Variants in DAB1 observed in about 807,000 individuals in gnomAD.
The protein encoded by DAB1 is disabled homolog 1.
Under a neutral mutation model 64.6 loss-of-function variants are expected in DAB1, and 15 were observed. That is an observed-to-expected ratio of 0.23 (90% CI 0.16 to 0.36). The LOEUF is 0.36. DAB1 is among the 10% of genes least tolerant of loss of function. The pLI is 1.00. For synonymous variants in DAB1, 235 were observed against 251.9 expected (o/e 0.93, Z 0.64); for missense variants, 596 against 706.7 (o/e 0.84, Z 1.78).
At chr1:58,335,832 T>C (rs1049870593) in intron 4 of DAB1, among the ~76,000 whole-genome samples, 2 of 152,108 alleles carry the variant, frequency 1.3e-5, no homozygotes, top group Non-Finnish European at 2.9e-5. Context: ...ATTTAGTAGA[T>C]ACGATCCAGT....
At chr1:58,546,461 T>TC (rs910298145) in intron 1 of DAB1, among the ~76,000 whole-genome samples, 17 of 151,366 alleles carry the variant, frequency 1.1e-4, no homozygotes, top group African/African-American at 4.1e-4. Flanking sequence ...AGAACCGGGC[T>TC]CCCCCAGGAC....
chr1:58,462,113 C>CTTTTT (rs1168740907), intron 3 of DAB1, among the ~76,000 whole-genome samples: 16 of 54,252 alleles, frequency 2.9e-4, no homozygotes, highest in South Asian at 9.1e-4. Flanking sequence ...GAGAAGGTTT[C>CTTTTT]TTTTTTTTTT....
chr1:57,797,720 C>T (rs1238786706), intron 6 of DAB1, among the ~76,000 whole-genome samples: 1 of 152,152 alleles, frequency 6.6e-6, no homozygotes, highest in African/African-American at 2.4e-5. Flanking sequence ...AGTCAATAAC[C>T]TACAATAACT....
At chr1:58,105,234 T>C (rs1451154529) in intron 5 of DAB1, among the ~76,000 whole-genome samples, 1 of 152,242 alleles carries the variant, frequency 6.6e-6, no homozygotes, top group African/African-American at 2.4e-5. Context: ...CATTTCTAAA[T>C]GCCTTCTGGG....
intron 1 of DAB1, chr1:58,536,871 C>G: frequency 1.7e-6 from 1 of 587,552 alleles, no homozygotes; most frequent in Non-Finnish European, 3.0e-6. Context: ...CTGAATACAT[C>G]GCTTTTCCAA....
At chr1:57,935,953 T>C (rs1345405847) in intron 5 of DAB1, among the ~76,000 whole-genome samples, 1 of 152,236 alleles carries the variant, frequency 6.6e-6, no homozygotes, top group Non-Finnish European at 1.5e-5. Context: ...AAGGATGGGC[T>C]CAATTGTCAG....
chr1:57,557,008 G>A (rs1048422639), intron 7 of DAB1, among the ~76,000 whole-genome samples: 25 of 152,012 alleles, frequency 1.6e-4, no homozygotes, highest in Non-Finnish European at 7.4e-5. Context: ...TGTTGAATAG[G>A]GTGCCCTTTC....
At chr1:58,128,565 C>A (rs1192981251) in intron 5 of DAB1, among the ~76,000 whole-genome samples, 1 of 131,984 alleles carries the variant, frequency 7.6e-6, no homozygotes, top group East Asian at 2.8e-4. Context: ...CCAGTTTTTG[C>A]CCATTCAGTA....
At chr1:57,097,916 C>T (rs892527024) in intron 4 of DAB1, among the ~76,000 whole-genome samples, 6 of 151,864 alleles carry the variant, frequency 4.0e-5, no homozygotes, top group Admixed American at 3.9e-4. Context: ...TAGCTGGGAC[C>T]ACAGGTGTCC....
At chr1:57,075,448 C>T (rs1001223444) in intron 4 of DAB1, among the ~76,000 whole-genome samples, 3 of 152,134 alleles carry the variant, frequency 2.0e-5, no homozygotes, top group Admixed American at 6.5e-5. Context: ...TTGCTCTGAA[C>T]GTGTCTCATT....
At chr1:57,752,342 G>T (rs908596532) in intron 6 of DAB1, among the ~76,000 whole-genome samples, 1 of 152,174 alleles carries the variant, frequency 6.6e-6, no homozygotes, top group African/African-American at 2.4e-5. Context: ...TATAAGCCGG[G>T]TTTTGATGTT....
intron 1 of DAB1, chr1:57,873,834 AATACT>A (rs1643996165): frequency 6.6e-6 from 1 of 152,160 alleles, no homozygotes; most frequent in African/African-American, 2.4e-5. Context: ...ATTGTATATA[AATACT>A]GTATATAATA....
At position 57,631,205 on chromosome 1, in the gene DAB1, C is replaced by T. The variant is rs145003452; in HGVS notation, n.625+18387G>A. Among the ~76,000 whole-genome samples the T allele has an allele frequency of 7.6e-3, 1,161 of 152,146 alleles. 18 individuals carry two copies. Among genetic ancestry groups the T allele is most frequent in the African/African-American group, 0.027 (1,116 of 41,522 alleles). ...GATGGTCATGGAAGGAAGGGTTGTT[C>T]AAACAAAAACTCAAAATTATCAAAT... On this transcript the variant is annotated intron_variant and non_coding_transcript_variant, in intron 7 of 20. Transcript: ENST00000485760.
intron 4 of DAB1, among the ~76,000 whole-genome samples, chr1:57,097,918 C>T (rs1654319499): frequency 6.6e-6 from 1 of 152,044 alleles, no homozygotes; most frequent in African/African-American, 2.4e-5. Flanking sequence ...GCTGGGACCA[C>T]AGGTGTCCAC....
intron 7 of DAB1, among the ~76,000 whole-genome samples, chr1:57,647,446 C>T (rs1646206621): frequency 6.6e-6 from 1 of 152,118 alleles, no homozygotes; most frequent in African/African-American, 2.4e-5. Context: ...GTAGGCTTTG[C>T]TTACTTATTT....
chr1:58,174,506 G>T (rs1656354234), intron 4 of DAB1, among the ~76,000 whole-genome samples: 1 of 152,180 alleles, frequency 6.6e-6, no homozygotes, highest in Non-Finnish European at 1.5e-5. Context: ...CAGTACAACT[G>T]CAGGGCCCCT....
chr1:58,053,531 G>C (rs1647846941), intron 5 of DAB1, among the ~76,000 whole-genome samples: 1 of 152,116 alleles, frequency 6.6e-6, no homozygotes, highest in Non-Finnish European at 1.5e-5. Flanking sequence ...TGAGGAATCT[G>C]CCCCCATCAC....
chr1:57,879,021 T>C (rs1190860728), intron 1 of DAB1, among the ~76,000 whole-genome samples: 1 of 152,210 alleles, frequency 6.6e-6, no homozygotes, highest in African/African-American at 2.4e-5. Flanking sequence ...TTTTTTATGG[T>C]TGAATACTAT....
chr1:58,378,004 T>C (rs1644346412), intron 3 of DAB1, among the ~76,000 whole-genome samples: 1 of 141,574 alleles, frequency 7.1e-6, no homozygotes, highest in Admixed American at 7.0e-5. Flanking sequence ...CTTCACATAG[T>C]TCTCAAGCCT....
Sources: allele counts gnomAD v4.1 joint callset (sites outside exome capture counted in the v4.1 genomes callset), GRCh38; gene constraint gnomAD v4.1.1; transcripts MANE v1.5; gene names NCBI Gene and HGNC (gene_info 2026-07-23, HGNC 2026-07-21).